Variants in ALOX5 observed in about 807,000 individuals in gnomAD.
The protein encoded by ALOX5 is polyunsaturated fatty acid 5-lipoxygenase.
Under a neutral mutation model 87.9 loss-of-function variants are expected in ALOX5, and 64 were observed. That is an observed-to-expected ratio of 0.73 (90% CI 0.60 to 0.90). The LOEUF (loss-of-function observed/expected upper bound fraction) is 0.90, where lower values mean the gene tolerates loss of function less well. Among genes scored for constraint, ALOX5 ranks in the 40% least tolerant of loss-of-function variants. ALOX5 has a pLI of 0.00. For synonymous variants in ALOX5, 388 were observed against 355.1 expected (o/e 1.09, Z -1.04); for missense variants, 822 against 907.5 (o/e 0.91, Z 1.21).
intron 3 of ALOX5, among the ~76,000 whole-genome samples, chr10:45,411,339 C>A (rs1266526863): frequency 6.6e-6 from 1 of 152,206 alleles, no homozygotes; most frequent in East Asian, 1.9e-4. Context: ...GAATGCCTAA[C>A]CTCCTGGGAA....
intron 6 of ALOX5, among the ~76,000 whole-genome samples, chr10:45,427,767 G>A (rs1841772990): frequency 6.6e-6 from 1 of 152,140 alleles, no homozygotes; most frequent in Admixed American, 6.5e-5. Flanking sequence ...CGTTCCTAGG[G>A]GCCCCTCTGC....
intron 2 of ALOX5, among the ~76,000 whole-genome samples, chr10:45,386,914 A>G (rs1044842858): frequency 2.6e-5 from 4 of 152,202 alleles, no homozygotes; most frequent in Admixed American, 2.6e-4. Context: ...CAACTCCTGC[A>G]GTGAGAGACG....
chr10:45,395,758 G>A lies in ALOX5; in HGVS notation c.350-97G>A, dbSNP rs561059545. On this transcript the variant is annotated intron_variant, in intron 2 of 13. Coordinates refer to ENST00000374391, the MANE Select transcript of ALOX5 (RefSeq NM_000698.5). ...ATGAGGTCATGCACATAAAGCACTC[G>A]GCATGGGCAGGGCATCTGAGGGAAG... The A allele has an allele frequency of 2.5e-4, 261 of 1,025,840 alleles. 1 individual carries two copies. The South Asian group carries it at 2.5e-3, about 10-fold the overall frequency. 63.5% of individuals were successfully genotyped at this position (1,025,840 alleles called of 1,614,324 possible).
At chr10:45,407,475 G>A (rs1458511474) in intron 3 of ALOX5, among the ~76,000 whole-genome samples, 4 of 151,552 alleles carry the variant, frequency 2.6e-5, no homozygotes, top group South Asian at 2.1e-4. Flanking sequence ...ATTTATTTGC[G>A]AAAGTTAAGG....
At chr10:45,396,819 C>G (rs1840523143) in intron 3 of ALOX5, among the ~76,000 whole-genome samples, 1 of 152,182 alleles carries the variant, frequency 6.6e-6, no homozygotes, top group African/African-American at 2.4e-5. Context: ...CAACGAAATA[C>G]TAGCAAACCT....
chr10:45,427,535 T>G (rs1166676387), intron 6 of ALOX5, among the ~76,000 whole-genome samples: 1 of 152,196 alleles, frequency 6.6e-6, no homozygotes. Context: ...CTGTCCTGCG[T>G]GCCGCCGGGC....
At chr10:45,382,382 C>T in intron 1 of ALOX5, 101 bp from the exon 2 acceptor site, 1 of 1,240,024 alleles carries the variant, frequency 8.1e-7, no homozygotes. Context: ...AACGTAGTCC[C>T]TGTGCCACAG....
At chr10:45,431,526 C>T (rs1841900520) in intron 7 of ALOX5, among the ~76,000 whole-genome samples, 2 of 151,164 alleles carry the variant, frequency 1.3e-5, no homozygotes, top group Non-Finnish European at 2.9e-5. Flanking sequence ...AATATAATGC[C>T]CATATAAGGA....
At chr10:45,407,407 C>G (rs1376540667) in intron 3 of ALOX5, among the ~76,000 whole-genome samples, 3 of 151,174 alleles carry the variant, frequency 2.0e-5, no homozygotes, top group Admixed American at 2.0e-4. Context: ...TTTTTTCCCC[C>G]CCACCTAGGA....
rs543392029 is a variant in ALOX5, at chr10:45,424,226, G to C, written c.661+79G>C. The C allele has an allele frequency of 1.1e-4, 136 of 1,260,890 alleles. No homozygotes were observed. The Admixed American group carries it at 2.3e-3, about 21-fold the overall frequency. 78.1% of individuals were successfully genotyped at this position (1,260,890 alleles called of 1,614,324 possible). ...CCTGTCTGATACTTGCCGGGAAATT[G>C]ACAAGGGCCTTCCTGCCTGCTGCAG... On this transcript the variant is annotated intron_variant, in intron 5 of 13. Coordinates refer to ENST00000374391, the MANE Select transcript of ALOX5 (RefSeq NM_000698.5).
rs770783680 is a variant in ALOX5, at chr10:45,395,931, A to G, written c.426A>G (p.Gln142=). The G allele has an allele frequency of 1.2e-5, 20 of 1,614,094 alleles. 1 individual carries two copies. The Admixed American group carries it at 1.7e-4, about 13-fold the overall frequency. The change falls in exon 3 of 14, where the codon CAA becomes CAG. Residue 142 remains glutamine (Q), a synonymous_variant. Coordinates refer to ENST00000374391, the MANE Select transcript of ALOX5 (RefSeq NM_000698.5). ...AAGAACTGGAAACACGGCAAAAACA[A>G]TATCGGTGAGTTATGACATCAGATC... ...RRKELETRQK[Q]YRWMEWNPGF...
chr10:45,392,008 C>A (rs1470751141), intron 2 of ALOX5, among the ~76,000 whole-genome samples: 1 of 151,466 alleles, frequency 6.6e-6, no homozygotes. Context: ...CAGCCCCCCG[C>A]CCGGCCAGCC....
chr10:45,443,542 G>T lies in ALOX5; in HGVS notation c.1573+5G>T. On this transcript the variant is annotated splice_donor_5th_base_variant and intron_variant, in intron 11 of 13. Coordinates refer to ENST00000374391, the MANE Select transcript of ALOX5 (RefSeq NM_000698.5). ...TGCGGGGCCGCAAGTCCTCAGGTAG[G>T]GCCTCCGGGACGTCTCCGGACCCGG... The T allele has an allele frequency of 6.2e-7, 1 of 1,610,566 alleles. No homozygotes were observed. The highest frequency in any genetic ancestry group is 2.2e-5 in the East Asian group (1 of 44,770).
At chr10:45,376,373 A>G (rs930303225) in intron 1 of ALOX5, among the ~76,000 whole-genome samples, 1 of 152,038 alleles carries the variant, frequency 6.6e-6, no homozygotes, top group African/African-American at 2.4e-5. Context: ...CAGGGTGGGG[A>G]ACCAGCTAAG....
chr10:45,374,780 C>T (rs968979907), intron 1 of ALOX5, among the ~76,000 whole-genome samples: 2 of 152,202 alleles, frequency 1.3e-5, no homozygotes, highest in Non-Finnish European at 2.9e-5. Flanking sequence ...TCCGGAGCCC[C>T]CTTCACTGGG....
At chr10:45,417,346 A>G (rs1841333262) in intron 4 of ALOX5, among the ~76,000 whole-genome samples, 1 of 152,170 alleles carries the variant, frequency 6.6e-6, no homozygotes. Flanking sequence ...GAAGTCCAGC[A>G]CAGTTATATT....
At chr10:45,400,214 G>A (rs1840651569) in intron 3 of ALOX5, among the ~76,000 whole-genome samples, 1 of 152,162 alleles carries the variant, frequency 6.6e-6, no homozygotes, top group Non-Finnish European at 1.5e-5. Context: ...GTTCACAATA[G>A]TCAAAAAGTA....
At chr10:45,440,748 G>A (rs1369790608) in intron 8 of ALOX5, 115 bp downstream of exon 8, 2 of 1,145,744 alleles carry the variant, frequency 1.7e-6, no homozygotes, top group Non-Finnish European at 1.2e-6. Flanking sequence ...CAGAAAGGGA[G>A]CCCTGGAGAG....
At chr10:45,392,724 A>C (rs1226495729) in intron 2 of ALOX5, among the ~76,000 whole-genome samples, 1 of 151,758 alleles carries the variant, frequency 6.6e-6, no homozygotes, top group Non-Finnish European at 1.5e-5. Flanking sequence ...AGAAAAAAAA[A>C]AGAAGAGAAG....
Sources: gnomAD v4.1 joint callset for allele counts (sites outside exome capture counted in the v4.1 genomes callset) on GRCh38, gnomAD v4.1.1 for gene constraint, MANE v1.5 for transcripts, NCBI Gene and HGNC (gene_info 2026-07-23, HGNC 2026-07-21) for gene names.